MOBP: variants seen among roughly 807,000 people sequenced by gnomAD.
MOBP encodes the protein myelin associated oligodendrocyte basic protein.
Under a neutral mutation model 15.0 loss-of-function variants are expected in MOBP, and 5 were observed. That is an observed-to-expected ratio of 0.33 (90% CI 0.17 to 0.70). The LOEUF is 0.70. Ranked by LOEUF, MOBP falls within the 30% of genes least tolerant of loss-of-function variation. The pLI, the probability that MOBP is intolerant of heterozygous loss-of-function variation, is 0.67. For missense variants in MOBP, 188 were observed against 257.8 expected, an observed-to-expected ratio of 0.73 and a Z score of 1.85; for synonymous variants, 88 against 99.0, an observed-to-expected ratio of 0.89 and a Z score of 0.66.
At chr3:39,519,491 AC>A (rs1297377257), downstream of MOBP, among the ~76,000 whole-genome samples, 1 of 145,972 alleles carries the variant, frequency 6.9e-6, no homozygotes, top group Admixed American at 6.8e-5. Context: ...TTTGGCTTAG[AC>A]TATAAATGGC....
At chr3:39,493,119 C>T (rs1427175282) in intron 2 of MOBP, among the ~76,000 whole-genome samples, 1 of 152,080 alleles carries the variant, frequency 6.6e-6, no homozygotes, top group Non-Finnish European at 1.5e-5. Flanking sequence ...ATGCCACATC[C>T]CGATTGCTTT....
At chr3:39,471,395 C>T (rs564791294) in intron 1 of MOBP, among the ~76,000 whole-genome samples, 3 of 152,266 alleles carry the variant, frequency 2.0e-5, no homozygotes, top group Admixed American at 2.0e-4. Context: ...TCTCAAAGTG[C>T]TGGGATTACA....
At chr3:39,524,821 G>A (rs2043306391) in exon 5 of MOBP, 1 of 152,120 alleles carries the variant, frequency 6.6e-6, no homozygotes, top group East Asian at 1.9e-4. Flanking sequence ...CCAATAGAAT[G>A]AGTGAATCAC....
downstream of MOBP, among the ~76,000 whole-genome samples, chr3:39,519,831 C>A (rs893819103): frequency 3.9e-5 from 6 of 152,118 alleles, no homozygotes; most frequent in African/African-American, 1.4e-4. Flanking sequence ...GAGACCACAG[C>A]CTTCTATTTA....
At chr3:39,468,459 G>A (rs1366139179) in intron 1 of MOBP, among the ~76,000 whole-genome samples, 1 of 152,192 alleles carries the variant, frequency 6.6e-6, no homozygotes, top group African/African-American at 2.4e-5. Flanking sequence ...CAGAGAGCAG[G>A]CTGCTGCCAG....
chr3:39,494,796 C>CCCCA (rs3036570), intron 2 of MOBP, among the ~76,000 whole-genome samples: 121 of 117,368 alleles, frequency 1.0e-3, no homozygotes, highest in African/African-American at 1.8e-3. Flanking sequence ...CCCCCCGCCC[C>CCCCA]CCGAGTTACG....
rs989604829 is a variant in MOBP, at chr3:39,499,011, A to G, written c.-4-3055A>G. ...ATCACATACTAGTTATTTCTCAAAC[A>G]GTTGGAGTAAGAGCTAAATTTTCTG... On this transcript the variant is annotated intron_variant, in intron 2 of 3. Transcript: ENST00000684792. Among the ~76,000 whole-genome samples, 26 of 152,260 alleles carry G rather than the reference A, an allele frequency of 1.7e-4. No individual in the cohort carries two copies. The Middle Eastern group carries it at 0.01, about 60-fold the overall frequency.
At chr3:39,520,537 AGTGTGTGTGTGTGTGTGTGTAT>A (rs1424750691), downstream of MOBP, among the ~76,000 whole-genome samples, 3 of 144,640 alleles carry the variant, frequency 2.1e-5, no homozygotes, top group Non-Finnish European at 4.5e-5. Flanking sequence ...TGTGTTCATG[AGTGTGTGTGTGTGTGTGTGTAT>A]GTGTGTGTGT....
In MOBP at chr3:39,513,313, A is replaced by G. The variant is rs537226501; in HGVS notation, c.*-70A>G. 1.2e-4 allele frequency: 163 copies of G among 1,374,298 alleles called. 1 individual carries two copies. Among genetic ancestry groups the G allele is most frequent in the Non-Finnish European group, 1.5e-4 (150 of 974,038 alleles). The allele number at this position is 1,374,298 out of a possible 1,614,324, so 85.1% of individuals were successfully genotyped here. A position where few individuals can be genotyped will look rare whatever the true frequency, so the allele number is the denominator to read the frequency against. On this transcript the variant is annotated intron_variant, in intron 4 of 4. Coordinates refer to the MOBP transcript ENST00000311042. ...AAATCCACAATTATACTAACTGAAC[A>G]CAGAGAAAGAGAGAGAGTATACATC...
At chr3:39,480,588 G>T (rs762083048) in intron 2 of MOBP, among the ~76,000 whole-genome samples, 4 of 152,204 alleles carry the variant, frequency 2.6e-5, no homozygotes, top group African/African-American at 4.8e-5. Context: ...AGGGGGGTCA[G>T]TGTCTTCCCC....
chr3:39,477,638 A>C (rs2042562451), intron 1 of MOBP, among the ~76,000 whole-genome samples: 1 of 151,472 alleles, frequency 6.6e-6, no homozygotes, highest in Non-Finnish European at 1.5e-5. Context: ...GCTGTAAAAC[A>C]GCCTCAGGCA....
At chr3:39,498,540 C>G (rs1038943672) in intron 2 of MOBP, among the ~76,000 whole-genome samples, 5 of 151,760 alleles carry the variant, frequency 3.3e-5, no homozygotes, top group Non-Finnish European at 5.9e-5. Context: ...TAGTAGACAC[C>G]GGGTTTCACC....
downstream of MOBP, among the ~76,000 whole-genome samples, chr3:39,516,783 A>G (rs551910571): frequency 6.6e-6 from 1 of 152,328 alleles, no homozygotes; most frequent in Non-Finnish European, 1.5e-5. Flanking sequence ...TTTCAGGTGG[A>G]AGGAATAAGA....
chr3:39,479,565 T>A (rs1239216706), intron 1 of MOBP, among the ~76,000 whole-genome samples: 1 of 152,136 alleles, frequency 6.6e-6, no homozygotes, highest in Non-Finnish European at 1.5e-5. Flanking sequence ...TCATGTGATA[T>A]ACAGCACAAA....
intron 2 of MOBP, among the ~76,000 whole-genome samples, chr3:39,489,054 C>T (rs73826443): frequency 0.017 from 2,539 of 152,282 alleles, 70 homozygotes; most frequent in African/African-American, 0.056. Context: ...TCAATGTTCC[C>T]CTCCCTCACT....
At chr3:39,528,031 T>G (rs779792715), downstream of MOBP, 2 of 152,196 alleles carry the variant, frequency 1.3e-5, no homozygotes, top group Non-Finnish European at 2.9e-5. Context: ...TGATTTGGTA[T>G]GACAATATAT....
chr3:39,492,543 A>G (rs549086402), intron 2 of MOBP, among the ~76,000 whole-genome samples: 1 of 152,186 alleles, frequency 6.6e-6, no homozygotes, highest in African/African-American at 2.4e-5. Context: ...TTGGGCTTGT[A>G]ATATCACATC....
intron 2 of MOBP, among the ~76,000 whole-genome samples, chr3:39,501,221 A>G (rs1197975208): frequency 6.6e-6 from 1 of 152,234 alleles, no homozygotes; most frequent in African/African-American, 2.4e-5. Context: ...GTAATTACAT[A>G]CTGCACATAT....
At chr3:39,489,209 C>T (rs2042758675) in intron 2 of MOBP, among the ~76,000 whole-genome samples, 1 of 152,216 alleles carries the variant, frequency 6.6e-6, no homozygotes, top group African/African-American at 2.4e-5. Flanking sequence ...GGAATCCTTC[C>T]TTAGCCTTCT....
Sources: gnomAD v4.1 joint callset for allele counts (sites outside exome capture counted in the v4.1 genomes callset) on GRCh38, gnomAD v4.1.1 for gene constraint, MANE v1.5 for transcripts, NCBI Gene and HGNC (gene_info 2026-07-23, HGNC 2026-07-21) for gene names.